Variants in C10orf67 observed in about 807,000 individuals in gnomAD.
The protein encoded by C10orf67 is uncharacterized protein C10orf67, mitochondrial.
In C10orf67, 60 loss-of-function variants were observed where a neutral mutation model predicts 35.6. The observed-to-expected ratio is 1.68, with a 90% CI of 1.37 to 2.09. C10orf67 has a LOEUF of 2.09. Ranked by LOEUF, C10orf67 falls within the 30% of genes most tolerant of loss-of-function variation. The probability of loss-of-function intolerance (pLI) is 0.00; values close to 1 mark genes in which losing one functional copy is unlikely to be tolerated. For synonymous variants in C10orf67, 167 were observed against 115.8 expected (o/e 1.44, Z -2.84); for missense variants, 474 against 330.2 (o/e 1.44, Z -3.38).
At chr10:23,202,422 T>C (rs1158405668), downstream of C10orf67, 3 of 151,812 alleles carry the variant, frequency 2.0e-5, no homozygotes, top group Non-Finnish European at 4.4e-5. Context: ...TACACTGCTG[T>C]CCAGCCGATC....
Position 23,277,216 on chromosome 10 carries a change from A to G in C10orf67, c.975+4797T>C, listed in dbSNP as rs372186070. On this transcript the variant is annotated intron_variant, in intron 8 of 15. Transcript: ENST00000636213. ...GGCAGAGAATACAGAAGCATCTACG[A>G]GAATTTAAATATTTTCCAGGAAGCC... Among the ~76,000 whole-genome samples, 3 of 152,318 alleles carry G rather than the reference A, an allele frequency of 2.0e-5. No individual in the cohort carries two copies. In the East Asian group the frequency reaches 5.8e-4, roughly 29 times the overall value.
At chr10:23,307,256 T>C (rs1196371762) in intron 4 of C10orf67, among the ~76,000 whole-genome samples, 1 of 152,232 alleles carries the variant, frequency 6.6e-6, no homozygotes, top group Non-Finnish European at 1.5e-5. Context: ...TGGACTCTTT[T>C]TGAAATTATA....
chr10:23,277,214 C>G (rs1025583508), intron 8 of C10orf67, among the ~76,000 whole-genome samples: 1 of 152,042 alleles, frequency 6.6e-6, no homozygotes, highest in African/African-American at 2.4e-5. Flanking sequence ...GAAGCATCTA[C>G]GAGAATTTAA....
chr10:23,247,871 T>A (rs1271223294), intron 12 of C10orf67, among the ~76,000 whole-genome samples: 1 of 152,308 alleles, frequency 6.6e-6, no homozygotes, highest in East Asian at 1.9e-4. Context: ...TAATTCCTTC[T>A]TTCTTTACCT....
intron 2 of C10orf67, among the ~76,000 whole-genome samples, chr10:23,323,358 C>T (rs945465392): frequency 2.0e-5 from 3 of 152,084 alleles, no homozygotes; most frequent in Non-Finnish European, 4.4e-5. Flanking sequence ...GGGCTCCCAC[C>T]TGTAATCCCA....
At position 23,203,845 on chromosome 10, in the gene C10orf67, A is replaced by G. The variant is rs2131692745; in HGVS notation, c.*328T>C. On this transcript the variant is annotated 3_prime_UTR_variant, in exon 16 of 16. Coordinates refer to ENST00000636213, the MANE Select transcript of C10orf67 (RefSeq NM_001371909.1). ...AGAGGGAGTCAAACTTTTTAATTAA[A>G]GTCCGTCCCTTCCCACTCTTAGACG... The G allele has an allele frequency of 9.6e-6, 2 of 207,498 alleles. No individual in the cohort carries two copies. Among genetic ancestry groups the G allele is most frequent in the East Asian group, 2.2e-4 (2 of 9,282 alleles). 12.9% of individuals were successfully genotyped at this position (207,498 alleles called of 1,614,324 possible).
chr10:23,236,319 G>C (rs1842052326), intron 13 of C10orf67, among the ~76,000 whole-genome samples: 1 of 146,898 alleles, frequency 6.8e-6, no homozygotes, highest in East Asian at 2.0e-4. Context: ...TGTAATCCCA[G>C]CTACTCAGGA....
At chr10:23,287,202 A>G (rs1843568386) in intron 7 of C10orf67, among the ~76,000 whole-genome samples, 1 of 152,234 alleles carries the variant, frequency 6.6e-6, no homozygotes, top group African/African-American at 2.4e-5. Context: ...AGTTGGAGGC[A>G]TCACACTACC....
chr10:23,323,075 T>A lies in C10orf67; in HGVS notation c.328-538A>T, dbSNP rs74125109. On this transcript the variant is annotated intron_variant, in intron 2 of 15. Coordinates refer to ENST00000636213, the MANE Select transcript of C10orf67 (RefSeq NM_001371909.1). ...ACAATTAATTTGCCAAACTAAGATA[T>A]GATGATGGACTAAAAGACAAGAGTT... 5.2e-3 allele frequency among the ~76,000 whole-genome samples: 796 copies of A among 152,252 alleles called. 6 individuals are homozygous for A. Among genetic ancestry groups the A allele is most frequent in the African/African-American group, 0.018 (758 of 41,550 alleles).
chr10:23,342,287 T>C (rs1845926847), intron 1 of C10orf67, among the ~76,000 whole-genome samples: 1 of 151,886 alleles, frequency 6.6e-6, no homozygotes, highest in South Asian at 2.1e-4. Flanking sequence ...CCATGTTCGG[T>C]TTCTTCCTTA....
At chr10:23,222,138 T>C (rs557979650) in intron 15 of C10orf67, among the ~76,000 whole-genome samples, 3 of 152,314 alleles carry the variant, frequency 2.0e-5, no homozygotes, top group South Asian at 4.1e-4. Context: ...GGATTTTCAG[T>C]AGACAGAGCG....
At chr10:23,297,604 G>A (rs369909265) in intron 5 of C10orf67, among the ~76,000 whole-genome samples, 7 of 152,180 alleles carry the variant, frequency 4.6e-5, no homozygotes, top group African/African-American at 1.4e-4. Flanking sequence ...TTTCTACAAA[G>A]GAACTTCCAT....
intron 5 of C10orf67, among the ~76,000 whole-genome samples, chr10:23,296,412 T>G (rs1843881703): frequency 6.6e-6 from 1 of 152,178 alleles, no homozygotes; most frequent in Admixed American, 6.5e-5. Flanking sequence ...ACTATCTGAT[T>G]GGTCTGGTGT....
intron 13 of C10orf67, 61 bp from the exon 14 acceptor site, chr10:23,223,879 G>A: frequency 1.4e-6 from 1 of 706,520 alleles, no homozygotes; most frequent in Admixed American, 2.1e-5. Flanking sequence ...AAATCAAATG[G>A]ACGTTAATGT....
At chr10:23,275,599 A>G (rs1843164310) in intron 8 of C10orf67, among the ~76,000 whole-genome samples, 2 of 149,984 alleles carry the variant, frequency 1.3e-5, no homozygotes, top group Non-Finnish European at 1.5e-5. Context: ...ACACACACAC[A>G]TGCACACGCA....
At chr10:23,256,173 C>T (rs568509261) in intron 10 of C10orf67, among the ~76,000 whole-genome samples, 9 of 151,940 alleles carry the variant, frequency 5.9e-5, no homozygotes, top group Non-Finnish European at 1.2e-4. Context: ...GGCTAATTTT[C>T]GTATTTTTTT....
intron 15 of C10orf67, among the ~76,000 whole-genome samples, chr10:23,211,902 A>G (rs1474387684): frequency 6.6e-6 from 1 of 152,200 alleles, no homozygotes; most frequent in Non-Finnish European, 1.5e-5. Flanking sequence ...AACAAGATAA[A>G]CATGTCTCTT....
chr10:23,321,946 T>C (rs1169271843), intron 3 of C10orf67, among the ~76,000 whole-genome samples: 1 of 152,102 alleles, frequency 6.6e-6, no homozygotes, highest in Non-Finnish European at 1.5e-5. Flanking sequence ...CAACACCACA[T>C]CTGGCTCATG....
At chr10:23,297,698 T>G (rs1055301871) in intron 5 of C10orf67, among the ~76,000 whole-genome samples, 6 of 152,256 alleles carry the variant, frequency 3.9e-5, no homozygotes, top group Non-Finnish European at 8.8e-5. Flanking sequence ...AATTACTTGT[T>G]GACAGTTATG....
Sources: gnomAD v4.1 joint callset for allele counts (sites outside exome capture counted in the v4.1 genomes callset) on GRCh38, gnomAD v4.1.1 for gene constraint, MANE v1.5 for transcripts, NCBI Gene and HGNC (gene_info 2026-07-23, HGNC 2026-07-21) for gene names.